Variants in OR8B3 observed in about 807,000 individuals in gnomAD.
The protein encoded by OR8B3 is olfactory receptor family 8 subfamily B member 3, also known as olfactory receptor 8B3.
For synonymous variants in OR8B3, 102 were observed against 135.4 expected (o/e 0.75, Z 1.71); for missense variants, 278 against 377.6 (o/e 0.74, Z 2.19).
chr11:124,403,520 G>C (rs1174400521), upstream of OR8B3, among the ~76,000 whole-genome samples: 1 of 151,130 alleles, frequency 6.6e-6, no homozygotes, highest in East Asian at 2.0e-4. Context: ...AGACGGGGCG[G>C]CGGGGCAGAG....
Position 124,396,140 on chromosome 11 carries a change from C to A in OR8B3, c.*270G>T. The A allele has an allele frequency of 3.0e-6, 1 of 337,544 alleles. No individual in the cohort carries two copies. The highest frequency in any genetic ancestry group is 5.3e-6 in the Non-Finnish European group (1 of 187,832). 20.9% of individuals were successfully genotyped at this position (337,544 alleles called of 1,614,324 possible). A position where few individuals can be genotyped will look rare whatever the true frequency, so the allele number is the denominator to read the frequency against. ...CATATATGTCCAATTAAGAACAGCC[C>A]AGGAGAGAGGAAGGATATAAAATGA... is the stretch of plus-strand genomic sequence containing the variant. On this transcript the variant is annotated 3_prime_UTR_variant, in exon 2 of 2. Coordinates refer to ENST00000641139, the MANE Select transcript of OR8B3 (RefSeq NM_001005467.2).
chr11:124,402,975 G>A (rs897974156), upstream of OR8B3, among the ~76,000 whole-genome samples: 3 of 152,132 alleles, frequency 2.0e-5, no homozygotes, highest in Admixed American at 6.5e-5. Context: ...AGGACCCTGC[G>A]GCCTTCCGCA....
chr11:124,405,806 T>C, the OR8B3 span, among the ~76,000 whole-genome samples: 2 of 152,248 alleles, frequency 1.3e-5, no homozygotes, highest in Admixed American at 1.3e-4. Context: ...TCCTCTAAAG[T>C]TGGATGAGCC....
At chr11:124,403,736 C>G (rs986237189), upstream of OR8B3, among the ~76,000 whole-genome samples, 1 of 152,202 alleles carries the variant, frequency 6.6e-6, no homozygotes, top group Non-Finnish European at 1.5e-5. Flanking sequence ...GCTGCAATCT[C>G]GGCACTTTGG....
chr11:124,402,341 G>C (rs1317039430), upstream of OR8B3, among the ~76,000 whole-genome samples: 3 of 152,144 alleles, frequency 2.0e-5, no homozygotes, highest in African/African-American at 7.2e-5. Flanking sequence ...AATTATGTTA[G>C]TTTTTAAACC....
chr11:124,400,803 G>A (rs1464633530), upstream of OR8B3, among the ~76,000 whole-genome samples: 1 of 151,758 alleles, frequency 6.6e-6, no homozygotes, highest in Non-Finnish European at 1.5e-5. Flanking sequence ...CTCCCAAGGT[G>A]TAATCTCCCA....
chr11:124,407,784 A>T, the OR8B3 span, among the ~76,000 whole-genome samples: 1 of 152,114 alleles, frequency 6.6e-6, no homozygotes, highest in South Asian at 2.1e-4. Flanking sequence ...TTTAAAAGTT[A>T]ATTTAAACCT....
Position 124,396,603 on chromosome 11 carries a change from A to C in OR8B3, c.749T>G (p.Leu250Arg). 6.2e-7 allele frequency: 1 copy of C among 1,612,756 alleles called. No individual in the cohort carries two copies. Among genetic ancestry groups the C allele is most frequent in the Non-Finnish European group, 8.5e-7 (1 of 1,179,458 alleles). ...TCSSHVIALS[L>R]FFGSAAFMYI... ...CATGAATGCCGCTGACCCAAAAAAC[A>C]GAGACAGAGCAATGACATGAGAGCT... is the stretch of plus-strand genomic sequence containing the variant. The change falls in exon 2 of 2, where the codon CTG (leucine) becomes CGG (arginine). Residue 250 changes from leucine (L) to arginine (R), a missense_variant. Coordinates refer to ENST00000641139, the MANE Select transcript of OR8B3 (RefSeq NM_001005467.2).
the OR8B3 span, chr11:124,404,390 A>G: frequency 1.3e-5 from 2 of 152,130 alleles, no homozygotes; most frequent in Non-Finnish European, 2.9e-5. Context: ...GGACGGAGAA[A>G]ATTTTTCTTG....
chr11:124,404,831 T>C, the OR8B3 span: 3 of 152,220 alleles, frequency 2.0e-5, no homozygotes, highest in Admixed American at 6.5e-5. Context: ...TATAGCTACG[T>C]TGGCCATCCC....
chr11:124,400,698 C>T (rs1015362807), upstream of OR8B3, among the ~76,000 whole-genome samples: 65 of 151,942 alleles, frequency 4.3e-4, no homozygotes, highest in African/African-American at 1.5e-3. Context: ...GCTATCACAC[C>T]CAGCTAATCT....
upstream of OR8B3, among the ~76,000 whole-genome samples, chr11:124,403,015 G>A (rs1447375230): frequency 6.6e-6 from 1 of 152,138 alleles, no homozygotes; most frequent in East Asian, 1.9e-4. Flanking sequence ...CTTGAGATTA[G>A]GGAGTGGTGA....
chr11:124,407,839 A>G, the OR8B3 span, among the ~76,000 whole-genome samples: 2 of 152,182 alleles, frequency 1.3e-5, no homozygotes, highest in Non-Finnish European at 2.9e-5. Flanking sequence ...ACATATTGAT[A>G]CAATATGTGT....
upstream of OR8B3, among the ~76,000 whole-genome samples, chr11:124,401,538 GTT>G (rs1273954287): frequency 6.6e-6 from 1 of 152,082 alleles, no homozygotes; most frequent in Non-Finnish European, 1.5e-5. Flanking sequence ...AAATATAAGA[GTT>G]TTTTTCCTTT....
the OR8B3 span, among the ~76,000 whole-genome samples, chr11:124,409,391 G>A: frequency 6.6e-6 from 1 of 152,188 alleles, no homozygotes; most frequent in Non-Finnish European, 1.5e-5. Flanking sequence ...CTAAGCCTTG[G>A]TTGATACCTG....
upstream of OR8B3, among the ~76,000 whole-genome samples, chr11:124,399,462 C>G (rs1331661279): frequency 2.0e-5 from 3 of 152,096 alleles, no homozygotes; most frequent in African/African-American, 7.2e-5. Flanking sequence ...TTGGGTTGCT[C>G]TAACTCAACA....
In OR8B3 at chr11:124,396,354, A is replaced by T; in HGVS notation, c.*56T>A. The T allele has an allele frequency of 2.8e-6, 4 of 1,421,612 alleles. No individual in the cohort carries two copies. The highest frequency in any genetic ancestry group is 3.8e-6 in the Non-Finnish European group (4 of 1,049,998). The allele number at this position is 1,421,612 out of a possible 1,614,324, so 88.1% of individuals were successfully genotyped here. A position where few individuals can be genotyped will look rare whatever the true frequency, so the allele number is the denominator to read the frequency against. ...AGAAACAACAAAATCTCTTCATGGA[A>T]CACACTAATAAAAATTTAAAGTTCT... On this transcript the variant is annotated 3_prime_UTR_variant, in exon 2 of 2. Coordinates refer to ENST00000641139, the MANE Select transcript of OR8B3 (RefSeq NM_001005467.2).
In OR8B3 at chr11:124,396,437, A is replaced by C; in HGVS notation, c.915T>G (p.Ile305Met). 6.2e-7 allele frequency: 1 copy of C among 1,604,684 alleles called. No homozygotes were observed. The highest frequency in any genetic ancestry group is 8.5e-7 in the Non-Finnish European group (1 of 1,177,506). Reference sequence around the variant, plus strand: ...AGAATATATTTCTTCTCTGAATTTTAATCAGAGCTTTCCTCAGTGCAACTT... The same window carrying C: ...AGAATATATTTCTTCTCTGAATTTTCATCAGAGCTTTCCTCAGTGCAACTT... ...DVKVALRKAL[I>M]KIQRRNIF The change falls in exon 2 of 2, where the codon ATT (isoleucine) becomes ATG (methionine). Residue 305 changes from isoleucine to methionine, a missense_variant. Physicochemically the swap from Ile to Met is conservative, Grantham distance 10 (BLOSUM62 1). Coordinates refer to ENST00000641139, the MANE Select transcript of OR8B3 (RefSeq NM_001005467.2).
At chr11:124,403,226 T>A (rs1861024836), upstream of OR8B3, among the ~76,000 whole-genome samples, 1 of 152,256 alleles carries the variant, frequency 6.6e-6, no homozygotes, top group South Asian at 2.1e-4. Flanking sequence ...CATGTCTACT[T>A]CTTTCTGCAC....
Sources: allele counts gnomAD v4.1 joint callset (sites outside exome capture counted in the v4.1 genomes callset), GRCh38; gene constraint gnomAD v4.1.1; transcripts MANE v1.5; gene names NCBI Gene and HGNC (gene_info 2026-07-23, HGNC 2026-07-21).